DYNC1I1: variants seen among roughly 807,000 people sequenced by gnomAD.
DYNC1I1 encodes dynein cytoplasmic 1 intermediate chain 1.
A neutral mutation model predicts 86.6 loss-of-function variants in DYNC1I1; 43 were observed. The ratio of observed to expected loss-of-function variants is 0.50; its 90% CI spans 0.39 to 0.64. DYNC1I1 has a LOEUF of 0.64. Ranked by LOEUF, DYNC1I1 falls within the 30% of genes least tolerant of loss-of-function variation. The pLI is 0.00. For synonymous variants in DYNC1I1, 262 were observed against 283.7 expected, an observed-to-expected ratio of 0.92 and a Z score of 0.77; for missense variants, 604 against 788.8, an observed-to-expected ratio of 0.77 and a Z score of 2.81.
intron 1 of DYNC1I1, among the ~76,000 whole-genome samples, chr7:95,803,390 T>C (rs1239844535): frequency 6.6e-6 from 1 of 152,232 alleles, no homozygotes; most frequent in Non-Finnish European, 1.5e-5. Flanking sequence ...ACAGCAAATA[T>C]TTGTTGAAAA....
At chr7:95,977,373 G>A in intron 6 of DYNC1I1, 139 bp from the exon 7 acceptor site, 1 of 594,610 alleles carries the variant, frequency 1.7e-6, no homozygotes, top group South Asian at 2.8e-5. Flanking sequence ...TTTATCTTGG[G>A]CATTCATTGT....
chr7:95,964,138 T>C (rs1021488922), intron 6 of DYNC1I1, among the ~76,000 whole-genome samples: 14 of 152,168 alleles, frequency 9.2e-5, no homozygotes, highest in African/African-American at 3.4e-4. Flanking sequence ...AATCTGACTG[T>C]GATGAATTTT....
intron 5 of DYNC1I1, among the ~76,000 whole-genome samples, chr7:95,854,486 A>C (rs1380248859): frequency 6.6e-6 from 1 of 152,112 alleles, no homozygotes; most frequent in Admixed American, 6.6e-5. Context: ...CTTATATTGC[A>C]TATCCCTTAA....
At chr7:96,036,516 A>G (rs866297719) in intron 13 of DYNC1I1, among the ~76,000 whole-genome samples, 2 of 152,242 alleles carry the variant, frequency 1.3e-5, no homozygotes, top group Non-Finnish European at 2.9e-5. Flanking sequence ...TTATGCTTCT[A>G]TAATAGCATT....
intron 6 of DYNC1I1, among the ~76,000 whole-genome samples, chr7:95,878,683 A>G (rs187909427): frequency 9.9e-4 from 151 of 152,328 alleles, no homozygotes; most frequent in African/African-American, 3.5e-3. Context: ...AAATAATGGA[A>G]TAAAATTTCT....
At chr7:96,071,803 C>T (rs1170845890) in intron 14 of DYNC1I1, among the ~76,000 whole-genome samples, 1 of 152,144 alleles carries the variant, frequency 6.6e-6, no homozygotes, top group Non-Finnish European at 1.5e-5. Flanking sequence ...ACTGTTTCTA[C>T]AAGTTACATA....
intron 3 of DYNC1I1, among the ~76,000 whole-genome samples, 170 bp downstream of exon 3, chr7:95,810,676 G>A (rs938130623): frequency 1.1e-5 from 1 of 87,848 alleles, no homozygotes; most frequent in Non-Finnish European, 2.2e-5. Flanking sequence ...TGAGGGGGCT[G>A]GAAGGAGATG....
chr7:96,052,266 T>C (rs892515958), intron 14 of DYNC1I1, among the ~76,000 whole-genome samples: 10 of 152,146 alleles, frequency 6.6e-5, no homozygotes, highest in Admixed American at 5.9e-4. Flanking sequence ...AAACTGAGGT[T>C]AAGCTTTAAA....
chr7:95,921,055 C>T (rs1160584451), intron 6 of DYNC1I1, among the ~76,000 whole-genome samples: 1 of 152,122 alleles, frequency 6.6e-6, no homozygotes, highest in African/African-American at 2.4e-5. Flanking sequence ...TTTCTGTGCA[C>T]ATTGCTATTA....
chr7:96,010,877 C>A (rs975216962), intron 10 of DYNC1I1, among the ~76,000 whole-genome samples: 4 of 152,106 alleles, frequency 2.6e-5, no homozygotes, highest in African/African-American at 7.2e-5. Flanking sequence ...ATCATGTAAT[C>A]AAAACATTTT....
chr7:95,923,854 C>A (rs1400821455), intron 6 of DYNC1I1, among the ~76,000 whole-genome samples: 1 of 152,098 alleles, frequency 6.6e-6, no homozygotes, highest in Non-Finnish European at 1.5e-5. Flanking sequence ...TCTACCAATA[C>A]ATTTTTAAAA....
intron 5 of DYNC1I1, among the ~76,000 whole-genome samples, chr7:95,831,876 A>G (rs1399586048): frequency 6.6e-6 from 1 of 151,690 alleles, no homozygotes; most frequent in African/African-American, 2.4e-5. Context: ...TCAGTTCTTT[A>G]TATATTTTGG....
At chr7:95,856,837 G>T (rs1013024887) in intron 5 of DYNC1I1, among the ~76,000 whole-genome samples, 3 of 152,100 alleles carry the variant, frequency 2.0e-5, no homozygotes, top group Non-Finnish European at 4.4e-5. Flanking sequence ...AAATTAGCAG[G>T]GCGTGGTGGC....
At chr7:95,927,652 A>G (rs965291932) in intron 6 of DYNC1I1, among the ~76,000 whole-genome samples, 7 of 152,138 alleles carry the variant, frequency 4.6e-5, no homozygotes, top group African/African-American at 1.7e-4. Flanking sequence ...TGATAACATG[A>G]AACATTAACA....
At chr7:95,781,005 CAAA>C (rs376390109) in intron 1 of DYNC1I1, among the ~76,000 whole-genome samples, 1 of 145,656 alleles carries the variant, frequency 6.9e-6, no homozygotes, top group African/African-American at 2.5e-5. Context: ...ATAACAACAA[CAAA>C]AAAAAAAACC....
chr7:95,830,373 C>T (rs1383979125), intron 5 of DYNC1I1, among the ~76,000 whole-genome samples: 1 of 152,124 alleles, frequency 6.6e-6, no homozygotes, highest in African/African-American at 2.4e-5. Context: ...TTGCTTCTTC[C>T]TGTTCTTCCC....
At chr7:95,908,979 TAG>T (rs1791248878) in intron 6 of DYNC1I1, among the ~76,000 whole-genome samples, 2 of 151,522 alleles carry the variant, frequency 1.3e-5, no homozygotes, top group Non-Finnish European at 1.5e-5. Flanking sequence ...GGGGGGAAAT[TAG>T]AGAGTTGGGC....
chr7:95,800,021 CT>C (rs1198039728), intron 1 of DYNC1I1, among the ~76,000 whole-genome samples: 1 of 150,148 alleles, frequency 6.7e-6, no homozygotes, highest in East Asian at 2.0e-4. Flanking sequence ...TAATGTTTAG[CT>C]CTTTACTTAT....
chr7:95,855,154 T>C (rs1789685893), intron 5 of DYNC1I1, among the ~76,000 whole-genome samples: 1 of 152,180 alleles, frequency 6.6e-6, no homozygotes, highest in Admixed American at 6.5e-5. Flanking sequence ...ACTCCTTCAG[T>C]TTTTGTTTGG....
Sources: gnomAD v4.1 joint callset for allele counts (sites outside exome capture counted in the v4.1 genomes callset) on GRCh38, gnomAD v4.1.1 for gene constraint, MANE v1.5 for transcripts, NCBI Gene and HGNC (gene_info 2026-07-23, HGNC 2026-07-21) for gene names.